The following WDSUB1 variants were observed in gnomAD, a reference collection of about 807,000 sequenced individuals.
WDSUB1 encodes WD repeat, sterile alpha motif and U-box domain containing 1.
In WDSUB1, 49 loss-of-function variants were observed where a neutral mutation model predicts 53.9. That is an observed-to-expected ratio of 0.91 (90% confidence interval 0.72 to 1.15). WDSUB1 has a LOEUF of 1.15. Among genes scored for constraint, WDSUB1 ranks in the 50% most tolerant of loss-of-function variants. The pLI is 0.00. For missense variants in WDSUB1, 514 were observed against 562.0 expected, an observed-to-expected ratio of 0.91 and a Z score of 0.86; for synonymous variants, 194 against 200.6, an observed-to-expected ratio of 0.97 and a Z score of 0.28.
intron 10 of WDSUB1, among the ~76,000 whole-genome samples, chr2:159,244,648 G>C (rs1365948964): frequency 6.6e-6 from 1 of 152,146 alleles, no homozygotes; most frequent in Non-Finnish European, 1.5e-5. Flanking sequence ...CTACTGGCCA[G>C]GCTCAGTGGC....
intron 5 of WDSUB1, among the ~76,000 whole-genome samples, chr2:159,269,716 C>A (rs2061411184): frequency 6.6e-6 from 1 of 152,144 alleles, no homozygotes; most frequent in African/African-American, 2.4e-5. Flanking sequence ...GTTGGTTTAA[C>A]ATTTAAAAAT....
At chr2:159,273,490 G>A (rs548406845) in intron 4 of WDSUB1, among the ~76,000 whole-genome samples, 9 of 151,760 alleles carry the variant, frequency 5.9e-5, no homozygotes, top group South Asian at 2.1e-4. Flanking sequence ...GTACAGTCTC[G>A]GCTCACTGCA....
In WDSUB1 at chr2:159,248,416, C is replaced by T; in HGVS notation, c.1229G>A (p.Cys410Tyr). Residue 410 changes from cysteine (C) to tyrosine (Y), a missense_variant, in exon 10 of 11, where the codon TGT becomes TAT. Coordinates refer to ENST00000359774, the MANE Select transcript of WDSUB1 (RefSeq NM_001128212.3). Reference sequence around the variant, plus strand: ...TTTCATAAGTTCTCTAGTTATTGGACATATAAATTCATCAGGAATTCCTGA... The same window carrying T: ...TTTCATAAGTTCTCTAGTTATTGGATATATAAATTCATCAGGAATTCCTGA... ...LSSGIPDEFI[C>Y]PITRELMKDP... 1.2e-6 allele frequency: 2 copies of T among 1,610,674 alleles called. No homozygotes were observed. The highest frequency in any genetic ancestry group is 2.2e-5 in the South Asian group (2 of 90,412).
intron 10 of WDSUB1, among the ~76,000 whole-genome samples, chr2:159,247,886 A>ATAT (rs2060836594): frequency 1.6e-5 from 1 of 63,824 alleles, no homozygotes; most frequent in African/African-American, 5.4e-5. Flanking sequence ...AAATTAAATA[A>ATAT]ATATATATAT....
chr2:159,246,712 A>G (rs552952391), intron 10 of WDSUB1, among the ~76,000 whole-genome samples: 3 of 152,380 alleles, frequency 2.0e-5, no homozygotes, highest in Admixed American at 6.5e-5. Flanking sequence ...AGCTTCAGTC[A>G]TAATAGCCAC....
chr2:159,286,020 G>A (rs2061787949), intron 1 of WDSUB1, among the ~76,000 whole-genome samples: 1 of 152,004 alleles, frequency 6.6e-6, no homozygotes, highest in Non-Finnish European at 1.5e-5. Flanking sequence ...GGGAAGTACC[G>A]AGGCCACCGT....
chr2:159,236,927 G>T (rs1024655235), intron 10 of WDSUB1, among the ~76,000 whole-genome samples: 3 of 152,028 alleles, frequency 2.0e-5, no homozygotes, highest in East Asian at 1.9e-4. Flanking sequence ...GGCCACCAAG[G>T]TTTTTTTAAA....
chr2:159,240,640 C>T (rs1399182018), intron 10 of WDSUB1, among the ~76,000 whole-genome samples: 2 of 152,166 alleles, frequency 1.3e-5, no homozygotes, highest in Non-Finnish European at 2.9e-5. Flanking sequence ...CTTTAATCTG[C>T]ACAACAACCT....
chr2:159,280,075 T>G (rs897900607), intron 2 of WDSUB1, 130 bp from the exon 3 acceptor site: 1 of 738,868 alleles, frequency 1.4e-6, no homozygotes, highest in Non-Finnish European at 2.1e-6. Flanking sequence ...AAAGGACAAC[T>G]GATGCCTACA....
chr2:159,260,078 C>T (rs892021106), intron 5 of WDSUB1, among the ~76,000 whole-genome samples: 14 of 152,046 alleles, frequency 9.2e-5, no homozygotes, highest in African/African-American at 3.1e-4. Context: ...TTGATTCGAG[C>T]GGATCATGAG....
chr2:159,236,589 A>G (rs2060487512), intron 10 of WDSUB1, among the ~76,000 whole-genome samples: 2 of 152,178 alleles, frequency 1.3e-5, no homozygotes, highest in Non-Finnish European at 2.9e-5. Flanking sequence ...AAAGTCAGGA[A>G]AACAGGTACC....
At chr2:159,250,385 A>ATAACT (rs2151074030) in intron 9 of WDSUB1, among the ~76,000 whole-genome samples, 1 of 152,352 alleles carries the variant, frequency 6.6e-6, no homozygotes, top group East Asian at 1.9e-4. Flanking sequence ...AAAAATATTT[A>ATAACT]TAACTTAAAA....
chr2:159,254,496 A>G (rs1401811684), intron 9 of WDSUB1, among the ~76,000 whole-genome samples: 1 of 152,106 alleles, frequency 6.6e-6, no homozygotes, highest in South Asian at 2.1e-4. Context: ...AGGAGGTTGA[A>G]GCTGCAGTGA....
At chr2:159,241,477 G>A (rs901592143) in intron 10 of WDSUB1, among the ~76,000 whole-genome samples, 1 of 151,980 alleles carries the variant, frequency 6.6e-6, no homozygotes, top group Non-Finnish European at 1.5e-5. Context: ...CAGGAGAATC[G>A]CTTAAACCCA....
chr2:159,245,658 C>T (rs1480344463), intron 10 of WDSUB1, among the ~76,000 whole-genome samples: 1 of 152,046 alleles, frequency 6.6e-6, no homozygotes, highest in Non-Finnish European at 1.5e-5. Context: ...ACAAACATGC[C>T]AGGTAATTCA....
At chr2:159,272,558 A>G (rs2061465055) in intron 4 of WDSUB1, among the ~76,000 whole-genome samples, 1 of 152,222 alleles carries the variant, frequency 6.6e-6, no homozygotes, top group Non-Finnish European at 1.5e-5. Flanking sequence ...AAAGCAGTTC[A>G]ACAAAGGCTA....
rs747827568 is a variant in WDSUB1 at position 159,283,002 on chromosome 2, G to GA, written c.67dup (p.Ser23PhefsTer19). 4 of 1,614,070 alleles carry GA rather than the reference G, an allele frequency of 2.5e-6. No homozygotes were observed. In the African/African-American group the frequency reaches 5.3e-5, roughly 22 times the overall value. On this transcript the variant is annotated frameshift_variant, in exon 2 of 11. Coordinates refer to ENST00000359774, the MANE Select transcript of WDSUB1 (RefSeq NM_001128212.3). LOFTEE classifies it high-confidence loss of function. ...GTCCAAGGAGCAAGTAGCCAAGAGGGAAAAGGAGAAGGCACAGCAGTTGAC... is the reference window on the plus strand; with the variant it reads ...GTCCAAGGAGCAAGTAGCCAAGAGGGAAAAAGGAGAAGGCACAGCAGTTGAC...
intron 3 of WDSUB1, among the ~76,000 whole-genome samples, chr2:159,278,368 A>G (rs2061586069): frequency 6.6e-6 from 1 of 152,212 alleles, no homozygotes; most frequent in South Asian, 2.1e-4. Flanking sequence ...TCATCAATCT[A>G]CATTTCAAGG....
At chr2:159,250,088 C>CAAAAAAAAAAA (rs374038625) in intron 9 of WDSUB1, among the ~76,000 whole-genome samples, 4,010 of 82,930 alleles carry the variant, frequency 0.048, 538 homozygotes, top group Non-Finnish European at 0.082. Context: ...GACTCTGCCT[C>CAAAAAAAAAAA]AAAAAAAAAA....
Sources: allele counts gnomAD v4.1 joint callset (sites outside exome capture counted in the v4.1 genomes callset), GRCh38; gene constraint gnomAD v4.1.1; transcripts MANE v1.5; gene names NCBI Gene and HGNC (gene_info 2026-07-23, HGNC 2026-07-21).